CFAP54: variants seen among roughly 807,000 people sequenced by gnomAD.
CFAP54 encodes cilia- and flagella-associated protein 54.
In CFAP54, 290 loss-of-function variants were observed where a neutral mutation model predicts 370.4. The ratio of observed to expected loss-of-function variants is 0.78; its 90% confidence interval spans 0.71 to 0.86. The LOEUF (loss-of-function observed/expected upper bound fraction) is 0.86, where lower values mean the gene tolerates loss of function less well. Ranked by LOEUF, CFAP54 falls within the 40% of genes least tolerant of loss-of-function variation. The pLI, the probability that CFAP54 is intolerant of heterozygous loss-of-function variation, is 0.00. For synonymous variants in CFAP54, 1,206 were observed against 1,236.5 expected (o/e 0.98, Z 0.52); for missense variants, 3,399 against 3,528.7 (o/e 0.96, Z 0.93).
chr12:96,675,391 C>A (rs1957194627), intron 39 of CFAP54, among the ~76,000 whole-genome samples: 1 of 152,192 alleles, frequency 6.6e-6, no homozygotes, highest in Non-Finnish European at 1.5e-5. Flanking sequence ...CAATGAGATA[C>A]CATCTCACAC....
chr12:96,828,003 A>C (rs1185444501), intron 65 of CFAP54, among the ~76,000 whole-genome samples: 2 of 121,794 alleles, frequency 1.6e-5, no homozygotes, highest in Non-Finnish European at 3.2e-5. Flanking sequence ...TATATATAAT[A>C]TATAATTATA....
chr12:96,694,034 A>G (rs538071267), intron 45 of CFAP54, among the ~76,000 whole-genome samples: 14 of 152,336 alleles, frequency 9.2e-5, no homozygotes, highest in Middle Eastern at 3.4e-3. Flanking sequence ...ACAGCTGCAC[A>G]TGGAAATAAG....
chr12:96,685,184 G>A lies in CFAP54; in HGVS notation c.5960G>A (p.Arg1987Lys). Residue 1987 changes from arginine to lysine, a missense_variant, in exon 42 of 68, where the codon AGA becomes AAA. Arg to Lys is a conservative substitution (Grantham distance 26). Transcript: ENST00000524981. ...GACTACAGTGAGGAGTTTCTGTCAA[G>A]AGTTGGCATCTGGGGGTGTTTGCAA... is the stretch of plus-strand genomic sequence containing the variant. Reference protein sequence around the residue: ...FKDYSEEFLSRVGIWGCLQGA... With the variant: ...FKDYSEEFLSKVGIWGCLQGA... The A allele has an allele frequency of 6.2e-7, 1 of 1,614,132 alleles. No homozygotes were observed.
intron 48 of CFAP54, among the ~76,000 whole-genome samples, chr12:96,716,138 A>G (rs1426544911): frequency 1.3e-5 from 2 of 152,210 alleles, no homozygotes; most frequent in Non-Finnish European, 2.9e-5. Flanking sequence ...TTTATTTAGT[A>G]CTAACTTTTT....
At chr12:96,592,142 A>G (rs980949348) in intron 23 of CFAP54, among the ~76,000 whole-genome samples, 27 of 152,140 alleles carry the variant, frequency 1.8e-4, no homozygotes, top group African/African-American at 6.5e-4. Context: ...GAAAGAAAGA[A>G]TGAGTGAGCA....
chr12:96,810,655 G>C (rs563036113), intron 63 of CFAP54, among the ~76,000 whole-genome samples: 7 of 152,228 alleles, frequency 4.6e-5, no homozygotes, highest in Admixed American at 2.0e-4. Context: ...TGTTTGAATG[G>C]GACCAAGAAC....
At chr12:96,518,699 A>C (rs1955268227) in intron 5 of CFAP54, among the ~76,000 whole-genome samples, 1 of 152,176 alleles carries the variant, frequency 6.6e-6, no homozygotes, top group African/African-American at 2.4e-5. Context: ...ACAAATAAAC[A>C]AACAAAAAAG....
At chr12:96,625,054 A>G (rs981255566) in intron 28 of CFAP54, among the ~76,000 whole-genome samples, 1 of 152,202 alleles carries the variant, frequency 6.6e-6, no homozygotes, top group African/African-American at 2.4e-5. Context: ...TGGTGGTCTA[A>G]TGGTTAGAAA....
rs1488391859 is a variant in CFAP54, at chr12:96,663,926, T to C, written c.5557T>C (p.Ser1853Pro). ...NCTDLLKMLI[S>P]SEYSRAKALV... ...CACAGATTTGCTAAAAATGCTTATC[T>C]CTTCAGGTCAGAACCAATCTTAGCT... The change falls in exon 39 of 68, where the codon TCT (serine) becomes CCT (proline). Residue 1853 changes from serine to proline, a missense_variant. Ser to Pro is a moderately conservative substitution (Grantham distance 74). Transcript: ENST00000524981. 9 of 1,609,942 alleles carry C rather than the reference T, an allele frequency of 5.6e-6. No homozygotes were observed. The highest frequency in any genetic ancestry group is 7.6e-6 in the Non-Finnish European group (9 of 1,176,908).
chr12:96,869,933 CAAAAAAAA>C (rs760992300), intron 67 of CFAP54, among the ~76,000 whole-genome samples: 1 of 36,860 alleles, frequency 2.7e-5, no homozygotes, highest in Non-Finnish European at 5.8e-5. Context: ...AAAACTCCGT[CAAAAAAAA>C]AAAAAAAAAA....
intron 48 of CFAP54, among the ~76,000 whole-genome samples, chr12:96,710,370 G>T (rs529271981): frequency 1.2e-4 from 18 of 152,292 alleles, no homozygotes; most frequent in African/African-American, 4.3e-4. Flanking sequence ...CTATGCAAAT[G>T]GATGGGTAAA....
chr12:96,576,131 ACT>A (rs1393730680), intron 19 of CFAP54, among the ~76,000 whole-genome samples: 5 of 151,882 alleles, frequency 3.3e-5, no homozygotes, highest in Non-Finnish European at 5.9e-5. Context: ...ATAAAAAGAA[ACT>A]CTCAATAATA....
intron 39 of CFAP54, among the ~76,000 whole-genome samples, chr12:96,675,952 G>T (rs1957201904): frequency 6.6e-6 from 1 of 151,850 alleles, no homozygotes; most frequent in African/African-American, 2.4e-5. Flanking sequence ...GTGGGGGGCA[G>T]GGGAGGGATA....
At position 96,858,092 on chromosome 12, in the gene CFAP54, C is replaced by T. The variant is rs531459551; in HGVS notation, c.9172-2727C>T. Among the ~76,000 whole-genome samples, 3 of 152,252 alleles carry T rather than the reference C, an allele frequency of 2.0e-5. No individual in the cohort carries two copies. In the East Asian group the frequency reaches 5.8e-4, roughly 29 times the overall value. Reference sequence around the variant, plus strand: ...CTTTGAGGAATCACCATACTGCTTTCCACAATGGTTGAACTAAGTTACACT... The same window carrying T: ...CTTTGAGGAATCACCATACTGCTTTTCACAATGGTTGAACTAAGTTACACT... On this transcript the variant is annotated intron_variant, in intron 66 of 67. Transcript: ENST00000524981.
chr12:96,630,725 A>G, intron 32 of CFAP54, 74 bp downstream of exon 32: 1 of 879,450 alleles, frequency 1.1e-6, no homozygotes, highest in South Asian at 2.5e-5. Flanking sequence ...TTTGGGTACT[A>G]GGGATACACT....
At chr12:96,811,954 C>T (rs527664110) in intron 64 of CFAP54, 112 bp downstream of exon 64, 23 of 578,514 alleles carry the variant, frequency 4.0e-5, no homozygotes, top group African/African-American at 5.9e-5. Flanking sequence ...AGGCACTTCG[C>T]GAAGAATCTT....
chr12:96,787,345 G>T (rs1592761239), intron 62 of CFAP54, among the ~76,000 whole-genome samples: 1 of 152,014 alleles, frequency 6.6e-6, no homozygotes, highest in East Asian at 1.9e-4. Flanking sequence ...AATAATAGAG[G>T]TAACACTTTA....
chr12:96,860,913 A>G lies in CFAP54; in HGVS notation c.9266A>G (p.Asn3089Ser), dbSNP rs1016939219. 3.3e-6 allele frequency: 5 copies of G among 1,534,876 alleles called. No individual in the cohort carries two copies. Among genetic ancestry groups the G allele is most frequent in the Admixed American group, 3.9e-5 (2 of 50,902 alleles). ...GCILSGGSLF[N>S]WIVSIIP ...ATTTTATCAGGAGGAAGCCTTTTCA[A>G]CTGGATAGTGTCAATTATTCCCTGA... is the stretch of plus-strand genomic sequence containing the variant. The change falls in exon 67 of 68, where the codon AAC becomes AGC. Residue 3089 changes from asparagine (N) to serine (S), a missense_variant. By Grantham distance (46) the Asn-to-Ser change is conservative. Transcript: ENST00000524981.
chr12:96,496,482 A>G (rs1253842020), intron 1 of CFAP54, among the ~76,000 whole-genome samples: 1 of 152,244 alleles, frequency 6.6e-6, no homozygotes, highest in African/African-American at 2.4e-5. Flanking sequence ...CCTGGTTTGT[A>G]GAAGGCTGCT....
Sources: allele counts gnomAD v4.1 joint callset (sites outside exome capture counted in the v4.1 genomes callset), GRCh38; gene constraint gnomAD v4.1.1; transcripts MANE v1.5; gene names NCBI Gene and HGNC (gene_info 2026-07-23, HGNC 2026-07-21).